ARAP1: variants seen among roughly 807,000 people sequenced by gnomAD.
ARAP1 encodes the protein arf-GAP with Rho-GAP domain, ANK repeat and PH domain-containing protein 1.
Under a neutral mutation model 172.2 loss-of-function variants are expected in ARAP1, and 76 were observed. That is an observed-to-expected ratio of 0.44 (90% CI 0.37 to 0.53). The LOEUF (loss-of-function observed/expected upper bound fraction) is 0.53, where lower values mean the gene tolerates loss of function less well. ARAP1 is among the 20% of genes least tolerant of loss of function. The probability of loss-of-function intolerance (pLI) is 0.00; values close to 1 mark genes in which losing one functional copy is unlikely to be tolerated. For synonymous variants in ARAP1, 804 were observed against 803.3 expected (o/e 1.00, Z -0.01); for missense variants, 1,686 against 1,977.5 (o/e 0.85, Z 2.80).
At position 72,694,497 on chromosome 11, in the gene ARAP1, G is replaced by A. The variant is rs371024781; in HGVS notation, c.3694+483C>T. On this transcript the variant is annotated intron_variant, in intron 27 of 34. Transcript: ENST00000393609. ...ACTCTTCCTTCCCATCCTGGCTCAG[G>A]GAAGACCTGGCAATGCCAAGGGTCT... Among the ~76,000 whole-genome samples the A allele has an allele frequency of 1.3e-4, 19 of 151,982 alleles. No homozygotes were observed. The East Asian group carries it at 3.5e-3, about 28-fold the overall frequency.
At chr11:72,712,371 C>A in intron 6 of ARAP1, 32 bp from the exon 7 acceptor site, 1 of 1,533,228 alleles carries the variant, frequency 6.5e-7, no homozygotes. Context: ...GGGGGCCGGG[C>A]TGAGGAGGCA....
intron 3 of ARAP1, chr11:72,721,982 T>C (rs931863676): frequency 5.1e-6 from 5 of 986,038 alleles, no homozygotes; most frequent in East Asian, 2.2e-4. Flanking sequence ...GCAAACAGCC[T>C]GGCCCCTGGC....
In ARAP1 at chr11:72,711,348, G is replaced by T. The variant is rs552602068; in HGVS notation, c.1092+82C>A. The T allele has an allele frequency of 5.9e-6, 9 of 1,533,028 alleles. No individual in the cohort carries two copies. In the East Asian group the frequency reaches 2.0e-4, roughly 35 times the overall value. 95.0% of individuals were successfully genotyped at this position (1,533,028 alleles called of 1,614,324 possible). On this transcript the variant is annotated intron_variant, in intron 8 of 34. Coordinates refer to ENST00000393609, the MANE Select transcript of ARAP1 (RefSeq NM_001040118.3). The stretch of plus-strand genomic sequence containing the variant: ...TTAGAACTCTGGCGAGGACTCCTCT[G>T]GGGAGGGACGCCACCTCGCTCCAGT...
chr11:72,687,287 G>T, intron 33 of ARAP1, 152 bp downstream of exon 33: 2 of 991,640 alleles, frequency 2.0e-6, no homozygotes, highest in Non-Finnish European at 3.1e-6. Context: ...GCTAGGAAGG[G>T]TTTATTGAAT....
At chr11:72,737,778 C>T (rs1311731574) in intron 1 of ARAP1, among the ~76,000 whole-genome samples, 1 of 152,112 alleles carries the variant, frequency 6.6e-6, no homozygotes, top group East Asian at 1.9e-4. Flanking sequence ...GGGCATGCAC[C>T]ATGCCTGGCT....
intron 15 of ARAP1, among the ~76,000 whole-genome samples, chr11:72,702,635 C>T (rs1017632893): frequency 3.9e-5 from 6 of 152,220 alleles, no homozygotes; most frequent in Admixed American, 2.0e-4. Flanking sequence ...GGCTCAGAGG[C>T]GCACAAACAC....
chr11:72,730,176 C>G (rs1857819703), intron 2 of ARAP1, among the ~76,000 whole-genome samples: 2 of 152,126 alleles, frequency 1.3e-5, no homozygotes, highest in African/African-American at 4.8e-5. Context: ...GATCAATAAT[C>G]TAACAGAAAA....
At position 72,693,280 on chromosome 11, in the gene ARAP1, T is replaced by C. The variant is rs1565209984; in HGVS notation, c.3954+45A>G. ...AGGGGAATCTCTGAGCACATTCAGG[T>C]GTACAGGTGCCCACCCTGGGGCAGA... On this transcript the variant is annotated intron_variant, in intron 29 of 34. Transcript: ENST00000393609. The surrounding 1 kb of genome is among the most constrained non-coding windows in gnomAD (Gnocchi z 4.6). 6.2e-7 allele frequency: 1 copy of C among 1,602,012 alleles called. No individual in the cohort carries two copies. The highest frequency in any genetic ancestry group is 8.5e-7 in the Non-Finnish European group (1 of 1,172,834).
rs932877552 is a variant in ARAP1, at chr11:72,752,081, C to A, written c.-128+247G>T. On this transcript the variant is annotated intron_variant, in intron 1 of 34. Transcript: ENST00000393609. ...GGCGGCTGACTCCAGAGACCCTTCA[C>A]GCCAAAGGGCTACGGGCTGGAAGCC... Among the ~76,000 whole-genome samples the A allele has an allele frequency of 2.0e-5, 3 of 152,240 alleles. No homozygotes were observed. In the East Asian group the frequency reaches 5.8e-4, roughly 29 times the overall value.
Position 72,703,065 on chromosome 11 carries a change from T to C in ARAP1, c.2007A>G (p.Ala669=). Residue 669 remains alanine (A), a synonymous_variant, in exon 15 of 35, where the codon GCA becomes GCG. Transcript: ENST00000393609. ...TCTCAGCCAGGTCTGTGGTGGTGACTGCAGCACACAGGGCCTAGGAAGAGG... is the reference window on the plus strand; with the variant it reads ...TCTCAGCCAGGTCTGTGGTGGTGACCGCAGCACACAGGGCCTAGGAAGAGG... ...QEELDKALCA[A]VTTTDLAETQ... is the part of the protein sequence containing the mutation. The C allele has an allele frequency of 6.3e-7, 1 of 1,584,504 alleles. No individual in the cohort carries two copies. Among genetic ancestry groups the C allele is most frequent in the Non-Finnish European group, 8.6e-7 (1 of 1,167,544 alleles).
intron 1 of ARAP1, among the ~76,000 whole-genome samples, chr11:72,735,141 C>G (rs911182638): frequency 6.6e-6 from 1 of 152,028 alleles, no homozygotes; most frequent in African/African-American, 2.4e-5. Flanking sequence ...CCACCACGCC[C>G]GGCTAATTTT....
At chr11:72,713,707 T>C (rs1259020310) in intron 4 of ARAP1, among the ~76,000 whole-genome samples, 2 of 151,174 alleles carry the variant, frequency 1.3e-5, no homozygotes, top group East Asian at 1.9e-4. Context: ...ATTAGCCAGG[T>C]ATGGTGGCGG....
rs1317292844 is a variant in ARAP1 at position 72,697,123 on chromosome 11, C to T, written c.3026G>A (p.Arg1009Gln). ...SKTQRLLESL[R>Q]QDARSVHLKE... ...GAGGTGCACAGAGCGCGCATCCTGC[C>T]GCAGGCTCTCCAGCAGCCGCTGTGT... The change falls in exon 22 of 35, where the codon CGG (arginine) becomes CAG (glutamine). Residue 1009 changes from arginine (R) to glutamine (Q), a missense_variant. Arg to Gln is a conservative substitution (Grantham distance 43). Coordinates refer to ENST00000393609, the MANE Select transcript of ARAP1 (RefSeq NM_001040118.3). 1.9e-6 allele frequency: 3 copies of T among 1,606,822 alleles called. No individual in the cohort carries two copies. Among genetic ancestry groups the T allele is most frequent in the South Asian group, 2.2e-5 (2 of 91,092 alleles).
intron 18 of ARAP1, among the ~76,000 whole-genome samples, chr11:72,698,656 C>G (rs1856327506): frequency 2.0e-5 from 3 of 152,210 alleles, no homozygotes; most frequent in Admixed American, 6.5e-5. Flanking sequence ...CCTCTTCCCT[C>G]CAGCCTCTGC....
chr11:72,742,815 T>C (rs2135591571), intron 1 of ARAP1, among the ~76,000 whole-genome samples: 1 of 152,274 alleles, frequency 6.6e-6, no homozygotes, highest in East Asian at 1.9e-4. Flanking sequence ...GAAGCAGATC[T>C]CAAATCTGAT....
Position 72,698,057 on chromosome 11 carries a change from C to T in ARAP1, c.2591G>A (p.Arg864Gln), listed in dbSNP as rs751714033. Residue 864 changes from arginine (R) to glutamine (Q), a missense_variant, in exon 19 of 35, where the codon CGG becomes CAG. Transcript: ENST00000393609. ...AEDLLARDFE[R>Q]LGRLPYKAGL... ...AGCTTTGTAGGGTAGGCGTCCCAGC[C>T]GCTCAAAATCCCGGGCCAGCAGATC... is the stretch of plus-strand genomic sequence containing the variant. 16 of 1,607,110 alleles carry T rather than the reference C, an allele frequency of 1.0e-5. No individual in the cohort carries two copies. Among genetic ancestry groups the T allele is most frequent in the Admixed American group, 3.4e-5 (2 of 58,750 alleles).
intron 2 of ARAP1, among the ~76,000 whole-genome samples, chr11:72,729,542 A>T (rs926256065): frequency 2.6e-5 from 4 of 152,114 alleles, no homozygotes; most frequent in Non-Finnish European, 5.9e-5. Flanking sequence ...GTGAGCCGAG[A>T]TCACTGCACT....
At chr11:72,707,105 G>C in intron 12 of ARAP1, 70 bp downstream of exon 12, 2 of 1,442,164 alleles carry the variant, frequency 1.4e-6, no homozygotes, top group Admixed American at 2.3e-5. Context: ...CCTCCAGATA[G>C]GATACCTGCC....
intron 3 of ARAP1, among the ~76,000 whole-genome samples, chr11:72,717,788 T>C (rs1388098125): frequency 6.6e-6 from 1 of 152,202 alleles, no homozygotes; most frequent in African/African-American, 2.4e-5. Context: ...TGATTCCACT[T>C]TACAGAGGAG....
Sources: allele counts gnomAD v4.1 joint callset (sites outside exome capture counted in the v4.1 genomes callset), GRCh38; gene constraint gnomAD v4.1.1; non-coding constraint Gnocchi (gnomAD v3.1); transcripts MANE v1.5; gene names NCBI Gene and HGNC (gene_info 2026-07-23, HGNC 2026-07-21).